CHRNG: variants seen among roughly 807,000 people sequenced by gnomAD.
CHRNG encodes acetylcholine receptor subunit gamma.
A neutral mutation model predicts 65.2 loss-of-function variants in CHRNG; 72 were observed. The ratio of observed to expected loss-of-function variants is 1.10; its 90% CI spans 0.91 to 1.34. The LOEUF is 1.34. Among genes scored for constraint, CHRNG ranks in the 40% most tolerant of loss-of-function variants. The probability of loss-of-function intolerance (pLI) is 0.00; values close to 1 mark genes in which losing one functional copy is unlikely to be tolerated. For missense variants in CHRNG, 637 were observed against 680.1 expected (o/e 0.94, Z 0.70); for synonymous variants, 284 against 290.2 (o/e 0.98, Z 0.22).
rs1692000570 is a variant in CHRNG, at chr2:232,540,832, G to C, written c.350+121G>C. 1.1e-6 allele frequency: 1 copy of C among 921,398 alleles called. No homozygotes were observed. The highest frequency in any genetic ancestry group is 1.5e-5 in the South Asian group (1 of 68,556). 57.1% of individuals were successfully genotyped at this position (921,398 alleles called of 1,614,324 possible). A position where few individuals can be genotyped will look rare whatever the true frequency, so the allele number is the denominator to read the frequency against. On this transcript the variant is annotated intron_variant, in intron 4 of 11. Coordinates refer to ENST00000651502, the MANE Select transcript of CHRNG (RefSeq NM_005199.5). This position sits in a 1 kb window ranked among gnomAD's most constrained non-coding sequence, Gnocchi z 4.2. The stretch of plus-strand genomic sequence containing the variant: ...GAGGGTGCAAATCGGGCACCTGTGG[G>C]GCTAGGGAAGAACTGGATGGAGCAG...
At position 232,540,431 on chromosome 2, in the gene CHRNG, A is replaced by G. The variant is rs201168602; in HGVS notation, c.240+6A>G. The G allele has an allele frequency of 5.8e-5, 94 of 1,613,836 alleles. No individual in the cohort carries two copies. In the African/African-American group the frequency reaches 1.1e-3, roughly 18 times the overall value. On this transcript the variant is annotated splice_donor_region_variant and intron_variant, in intron 3 of 11. Coordinates refer to ENST00000651502, the MANE Select transcript of CHRNG (RefSeq NM_005199.5). The surrounding 1 kb of genome is among the most constrained non-coding windows in gnomAD (Gnocchi z 4.2). Reference sequence around the variant, plus strand: ...CCAATGTCTGGATAGAGATGGTAAGAGGCCACCCTGCCACCCTCCTTCCAT... The same window carrying G: ...CCAATGTCTGGATAGAGATGGTAAGGGGCCACCCTGCCACCCTCCTTCCAT...
At chr2:232,544,936 G>A in intron 11 of CHRNG, 34 bp downstream of exon 11, 1 of 1,613,318 alleles carries the variant, frequency 6.2e-7, no homozygotes, top group Non-Finnish European at 8.5e-7. Flanking sequence ...GAGGTGGAGT[G>A]AGTACCTGGG....
chr2:232,543,209 G>T (rs1692053681), intron 7 of CHRNG, 66 bp from the exon 8 acceptor site: 2 of 1,531,608 alleles, frequency 1.3e-6, no homozygotes, highest in Middle Eastern at 1.7e-4. Flanking sequence ...TACTTCTGGG[G>T]TAAGGGGTTC....
Position 232,546,860 on chromosome 2 carries a change from A to G in CHRNG, c.*1144A>G, listed in dbSNP as rs532075891. ...TTCCCAAAGGATGGTTAAGACAAGG[A>G]AGAGCTAGGCAAGAGGAGGTGTGGA... On this transcript the variant is annotated 3_prime_UTR_variant, in exon 12 of 12. Coordinates refer to ENST00000651502, the MANE Select transcript of CHRNG (RefSeq NM_005199.5). 1.7e-4 allele frequency among the ~76,000 whole-genome samples: 26 copies of G among 152,280 alleles called. No homozygotes were observed. The highest frequency in any genetic ancestry group is 6.3e-4 in the African/African-American group (26 of 41,540).
At position 232,547,573 on chromosome 2, in the gene CHRNG, G is replaced by A. The variant is rs112969708; in HGVS notation, c.*1857G>A. The stretch of plus-strand genomic sequence containing the variant: ...TTGGGATTCAATCACCAGCAAGTTC[G>A]TATTATTTACTCCAGTGTGAGTCTG... On this transcript the variant is annotated 3_prime_UTR_variant, in exon 12 of 12. Transcript: ENST00000651502. 2.0e-3 allele frequency among the ~76,000 whole-genome samples: 310 copies of A among 152,286 alleles called. No homozygotes were observed. Among genetic ancestry groups the A allele is most frequent in the African/African-American group, 6.8e-3 (283 of 41,552 alleles).
At chr2:232,543,499 CAGG>C (rs2106222161) in intron 8 of CHRNG, 83 bp from the exon 9 acceptor site, 1 of 1,122,020 alleles carries the variant, frequency 8.9e-7, no homozygotes, top group East Asian at 2.6e-5. Flanking sequence ...ATCCTCAATT[CAGG>C]AGGCCTGAGG....
In CHRNG at chr2:232,545,664, C is replaced by T. The variant is rs185590413; in HGVS notation, c.1502C>T (p.Pro501Leu). ...IFLMAHYNRV[P>L]ALPFPGDPRP... is the part of the protein sequence containing the mutation. ...CTCATGGCCCACTACAACCGGGTGCCGGCCCTGCCATTCCCTGGAGATCCA... is the reference window on the plus strand; with the variant it reads ...CTCATGGCCCACTACAACCGGGTGCTGGCCCTGCCATTCCCTGGAGATCCA... Residue 501 changes from proline (P) to leucine (L), a missense_variant, in exon 12 of 12, where the codon CCG becomes CTG. By Grantham distance (98) the Pro-to-Leu change is moderately conservative (BLOSUM62 -3). Coordinates refer to ENST00000651502, the MANE Select transcript of CHRNG (RefSeq NM_005199.5). 3.0e-5 allele frequency: 48 copies of T among 1,614,142 alleles called. No individual in the cohort carries two copies. Among genetic ancestry groups the T allele is most frequent in the South Asian group, 1.3e-4 (12 of 91,086 alleles).
Position 232,545,625 on chromosome 2 carries a change from C to T in CHRNG, c.1463C>T (p.Thr488Ile), listed in dbSNP as rs1356022598. Residue 488 changes from threonine to isoleucine, a missense_variant, in exon 12 of 12, where the codon ACA (threonine) becomes ATA (isoleucine). Thr to Ile is a moderately conservative substitution (Grantham distance 89). Transcript: ENST00000651502. ...ATGCTCTCGCTCTTCATCTGTGGCA[C>T]AGCTGGCATCTTCCTCATGGCCCAC... Reference protein sequence around the residue: ...LAMLSLFICGTAGIFLMAHYN... With the variant: ...LAMLSLFICGIAGIFLMAHYN... 6.2e-7 allele frequency: 1 copy of T among 1,614,176 alleles called. No individual in the cohort carries two copies. Among genetic ancestry groups the T allele is most frequent in the Non-Finnish European group, 8.5e-7 (1 of 1,180,030 alleles).
At chr2:232,542,018 T>G in intron 5 of CHRNG, 1 of 324,954 alleles carries the variant, frequency 3.1e-6, no homozygotes. Context: ...AGGGTTCTCC[T>G]GTACCTTAGA....
rs1469151099 is a variant in CHRNG at position 232,541,993 on chromosome 2, A to C, written c.507-430A>C. 4 of 314,908 alleles carry C rather than the reference A, an allele frequency of 1.3e-5. No individual in the cohort carries two copies. Among genetic ancestry groups the C allele is most frequent in the African/African-American group, 8.5e-5 (4 of 46,916 alleles). 19.5% of individuals were successfully genotyped at this position (314,908 alleles called of 1,614,324 possible). On this transcript the variant is annotated intron_variant, in intron 5 of 11. Coordinates refer to ENST00000651502, the MANE Select transcript of CHRNG (RefSeq NM_005199.5). The surrounding 1 kb of genome is among the most constrained non-coding windows in gnomAD (Gnocchi z 4.0). ...TGTTTCCTCAAACCTAAGTGTGGGG[A>C]GGAGGGCCCGGGGGAGGGTTCTCCT... is the stretch of plus-strand genomic sequence containing the variant.
Position 232,541,357 on chromosome 2 carries a change from C to T in CHRNG, c.351-17C>T, listed in dbSNP as rs1692011299. On this transcript the variant is annotated splice_polypyrimidine_tract_variant and intron_variant, in intron 4 of 11. Coordinates refer to ENST00000651502, the MANE Select transcript of CHRNG (RefSeq NM_005199.5). The surrounding 1 kb of genome is among the most constrained non-coding windows in gnomAD (Gnocchi z 4.0). Reference sequence around the variant, plus strand: ...TGAGCCCACAGCCTCGTGGCCTGGCCTGTTCTGTGCATACAGCGTGGACGG... The same window carrying T: ...TGAGCCCACAGCCTCGTGGCCTGGCTTGTTCTGTGCATACAGCGTGGACGG... 6.2e-7 allele frequency: 1 copy of T among 1,613,960 alleles called. No individual in the cohort carries two copies. Among genetic ancestry groups the T allele is most frequent in the Non-Finnish European group, 8.5e-7 (1 of 1,179,942 alleles).
In CHRNG at chr2:232,544,403, C is replaced by T; in HGVS notation, c.1072C>T (p.His358Tyr). Residue 358 changes from histidine to tyrosine, a missense_variant, in exon 10 of 12, where the codon CAC becomes TAC. Transcript: ENST00000651502. ...GCTCTTGCCCCAGCTGCTGAGGATG[C>T]ACGTTCGCCCGCTGGCCCCGGCAGC... is the stretch of plus-strand genomic sequence containing the variant. ...LRLLPQLLRM[H>Y]VRPLAPAAVQ... 6.2e-7 allele frequency: 1 copy of T among 1,613,512 alleles called. No homozygotes were observed. Among genetic ancestry groups the T allele is most frequent in the East Asian group, 2.2e-5 (1 of 44,872 alleles).
chr2:232,547,103 G>C lies in CHRNG; in HGVS notation c.*1387G>C, dbSNP rs1192524639. On this transcript the variant is annotated 3_prime_UTR_variant, in exon 12 of 12. Transcript: ENST00000651502. ...GGCTGTTCCCTCATCTGTAAATAAG[G>C]TGCAAAAAATAATCCATTCCTGGCC... Among the ~76,000 whole-genome samples the C allele has an allele frequency of 6.6e-6, 1 of 152,094 alleles. No homozygotes were observed. Among genetic ancestry groups the C allele is most frequent in the African/African-American group, 2.4e-5 (1 of 41,414 alleles).
In CHRNG at chr2:232,543,382, A is replaced by G. The variant is rs142582718; in HGVS notation, c.913A>G (p.Ile305Val). The G allele has an allele frequency of 2.8e-5, 45 of 1,611,410 alleles. No individual in the cohort carries two copies. Among genetic ancestry groups the G allele is most frequent in the African/African-American group, 4.0e-5 (3 of 74,856 alleles). ...TGAAACCTCCCAGGCGGTGCCACTC[A>G]TCAGCAAGTAAGGCTGGTCTTCATG... ...VPETSQAVPL[I>V]SKYLTFLLVV... is the part of the protein sequence containing the mutation. The change falls in exon 8 of 12, where the codon ATC becomes GTC. Residue 305 changes from isoleucine (I) to valine (V), a missense_variant. By Grantham distance (29) the Ile-to-Val change is conservative (BLOSUM62 3). Transcript: ENST00000651502.
At chr2:232,545,496 G>C (rs551186603) in intron 11 of CHRNG, 47 bp from the exon 12 acceptor site, 25 of 1,557,026 alleles carry the variant, frequency 1.6e-5, no homozygotes, top group Non-Finnish European at 2.0e-5. Context: ...ACCCAGGGAA[G>C]ACCTGGTGCC....
chr2:232,540,609 G>GC lies in CHRNG; in HGVS notation c.249dup (p.Asp84ArgfsTer52). The GC allele has an allele frequency of 6.2e-7, 1 of 1,611,672 alleles. No homozygotes were observed. The highest frequency in any genetic ancestry group is 8.5e-7 in the Non-Finnish European group (1 of 1,179,868). ...CTGCCCCTCCCCCTGCAGCAGTGGT[G>GC]CGACTATCGCCTGCGCTGGGATCCG... On this transcript the variant is annotated frameshift_variant, in exon 4 of 12. Transcript: ENST00000651502. LOFTEE classifies it high-confidence loss of function. The surrounding 1 kb of genome is among the most constrained non-coding windows in gnomAD (Gnocchi z 4.2).
At chr2:232,543,906 A>G (rs565335425) in intron 9 of CHRNG, among the ~76,000 whole-genome samples, 33 of 152,364 alleles carry the variant, frequency 2.2e-4, no homozygotes, top group African/African-American at 7.7e-4. Flanking sequence ...AATGTATTTC[A>G]TCTTCATAAA....
chr2:232,542,605 A>C, intron 6 of CHRNG, 85 bp downstream of exon 6: 1 of 905,780 alleles, frequency 1.1e-6, no homozygotes, highest in South Asian at 1.4e-5. Context: ...ACCAAGGTCA[A>C]ATCCCTCCCA....
intron 11 of CHRNG, 69 bp downstream of exon 11, chr2:232,544,971 T>C (rs1692097627): frequency 6.2e-7 from 1 of 1,600,604 alleles, no homozygotes; most frequent in Admixed American, 1.7e-5. Context: ...AGAGACAGGA[T>C]GAGTGGGGTT....
Sources: allele counts gnomAD v4.1 joint callset (sites outside exome capture counted in the v4.1 genomes callset), GRCh38; gene constraint gnomAD v4.1.1; non-coding constraint Gnocchi (gnomAD v3.1); transcripts MANE v1.5; gene names NCBI Gene and HGNC (gene_info 2026-07-23, HGNC 2026-07-21).